The following PCDH15 variants were observed in gnomAD, a reference collection of about 807,000 sequenced individuals.
The protein encoded by PCDH15 is protocadherin related 15, also known as protocadherin-15.
In PCDH15, 129 loss-of-function variants were observed where a neutral mutation model predicts 178.5. The observed-to-expected ratio is 0.72, with a 90% CI of 0.63 to 0.84. The LOEUF (loss-of-function observed/expected upper bound fraction) is 0.84. PCDH15 is among the 40% of genes least tolerant of loss of function. PCDH15 has a pLI of 0.00. For missense variants in PCDH15, 2,230 were observed against 2,099.9 expected (o/e 1.06, Z -1.21); for synonymous variants, 800 against 732.0 (o/e 1.09, Z -1.50).
At chr10:54,765,188 A>G (rs1200893957) in intron 1 of PCDH15, among the ~76,000 whole-genome samples, 1 of 152,146 alleles carries the variant, frequency 6.6e-6, no homozygotes, top group Non-Finnish European at 1.5e-5. Context: ...GTGCATAAAT[A>G]TTTTTATGTT....
intron 25 of PCDH15, among the ~76,000 whole-genome samples, chr10:53,936,297 T>C (rs868788795): frequency 6.6e-6 from 1 of 152,204 alleles, no homozygotes; most frequent in Non-Finnish European, 1.5e-5. Flanking sequence ...ATATGAACTA[T>C]GTTTAATACC....
At chr10:53,807,312 C>T (rs1841252838) in intron 37 of PCDH15, among the ~76,000 whole-genome samples, 182 bp from the exon 38 acceptor site, 1 of 152,068 alleles carries the variant, frequency 6.6e-6, no homozygotes, top group Non-Finnish European at 1.5e-5. Flanking sequence ...CCTTTATTGG[C>T]TTTAGATCTT....
intron 2 of PCDH15, among the ~76,000 whole-genome samples, chr10:55,002,363 T>A (rs575121909): frequency 2.6e-4 from 39 of 152,372 alleles, no homozygotes; most frequent in Admixed American, 2.0e-3. Context: ...CATTTACCAT[T>A]TTTTAATGAT....
At chr10:53,866,091 T>A (rs958827823) in intron 27 of PCDH15, among the ~76,000 whole-genome samples, 1 of 152,154 alleles carries the variant, frequency 6.6e-6, no homozygotes, top group Non-Finnish European at 1.5e-5. Context: ...TTATTGACTA[T>A]AGCCAAATAT....
intron 2 of PCDH15, among the ~76,000 whole-genome samples, chr10:54,943,112 C>A (rs891872616): frequency 6.6e-6 from 1 of 151,914 alleles, no homozygotes; most frequent in Non-Finnish European, 1.5e-5. Flanking sequence ...TTTATTCTTA[C>A]AATTCTGTAT....
At chr10:53,837,913 A>G (rs2077400296) in intron 29 of PCDH15, among the ~76,000 whole-genome samples, 1 of 151,836 alleles carries the variant, frequency 6.6e-6, no homozygotes, top group African/African-American at 2.4e-5. Context: ...CAAAATTTTC[A>G]TATTTCATGG....
chr10:55,461,863 T>C (rs1419039556), intron 2 of PCDH15, among the ~76,000 whole-genome samples: 1 of 152,122 alleles, frequency 6.6e-6, no homozygotes, highest in Admixed American at 6.6e-5. Context: ...CAAAATTATA[T>C]TGTGATTATC....
intron 3 of PCDH15, among the ~76,000 whole-genome samples, chr10:54,855,380 C>T (rs1361529941): frequency 2.6e-5 from 4 of 152,180 alleles, no homozygotes; most frequent in Admixed American, 2.0e-4. Flanking sequence ...TGGGCAGCTG[C>T]AGAGGCACCT....
At chr10:54,810,295 C>T (rs1354492336) in intron 3 of PCDH15, among the ~76,000 whole-genome samples, 1 of 152,020 alleles carries the variant, frequency 6.6e-6, no homozygotes, top group Admixed American at 6.6e-5. Context: ...TTATTTTTCA[C>T]CTCATATACC....
At chr10:55,274,482 T>C (rs1488052832) in intron 1 of PCDH15, among the ~76,000 whole-genome samples, 1 of 152,030 alleles carries the variant, frequency 6.6e-6, no homozygotes, top group East Asian at 1.9e-4. Context: ...AAGCATAGGG[T>C]GTCCCATTCT....
chr10:53,991,590 C>G (rs1445074201), intron 21 of PCDH15, among the ~76,000 whole-genome samples: 2 of 151,886 alleles, frequency 1.3e-5, no homozygotes. Flanking sequence ...TTGTGTCTAG[C>G]TAAAGGACTG....
intron 2 of PCDH15, among the ~76,000 whole-genome samples, chr10:55,476,899 G>T (rs536710726): frequency 6.6e-6 from 1 of 151,520 alleles, no homozygotes; most frequent in African/African-American, 2.4e-5. Flanking sequence ...CTCTCCCCTC[G>T]TGCCTTTACA....
chr10:54,499,853 A>G (rs554447705), intron 3 of PCDH15, among the ~76,000 whole-genome samples: 1 of 152,306 alleles, frequency 6.6e-6, no homozygotes, highest in African/African-American at 2.4e-5. Context: ...TGAGATGTGA[A>G]AATTCACACA....
At chr10:54,825,693 T>C (rs1289818865) in intron 3 of PCDH15, among the ~76,000 whole-genome samples, 1 of 152,110 alleles carries the variant, frequency 6.6e-6, no homozygotes, top group Admixed American at 6.6e-5. Context: ...TGTCTGTTCA[T>C]GTCCTTCGCC....
chr10:55,150,102 A>G (rs1192852775), intron 2 of PCDH15, among the ~76,000 whole-genome samples: 16 of 151,466 alleles, frequency 1.1e-4, no homozygotes, highest in Non-Finnish European at 2.1e-4. Context: ...AAGATAGAAG[A>G]CGAGAGGAGA....
chr10:54,668,714 T>C (rs111525371), intron 1 of PCDH15, among the ~76,000 whole-genome samples: 5 of 152,298 alleles, frequency 3.3e-5, no homozygotes, highest in African/African-American at 9.6e-5. Context: ...ATTTTGACAA[T>C]GTTAACTATT....
chr10:55,394,143 A>G (rs1837866758), intron 2 of PCDH15, among the ~76,000 whole-genome samples: 1 of 151,996 alleles, frequency 6.6e-6, no homozygotes, highest in African/African-American at 2.4e-5. Context: ...CATATCACCA[A>G]CAAAGCCCTC....
At chr10:54,951,162 G>A (rs1290640338) in intron 2 of PCDH15, among the ~76,000 whole-genome samples, 2 of 151,806 alleles carry the variant, frequency 1.3e-5, no homozygotes, top group African/African-American at 4.8e-5. Flanking sequence ...GTGTCCACCA[G>A]TACAATATCA....
chr10:53,815,622 A>C (rs2076032655), intron 35 of PCDH15, among the ~76,000 whole-genome samples: 1 of 152,138 alleles, frequency 6.6e-6, no homozygotes, highest in African/African-American at 2.4e-5. Flanking sequence ...AAAGGAATAA[A>C]ATTTTTGTAA....
Sources: allele counts gnomAD v4.1 joint callset (sites outside exome capture counted in the v4.1 genomes callset), GRCh38; gene constraint gnomAD v4.1.1; transcripts MANE v1.5; gene names NCBI Gene and HGNC (gene_info 2026-07-23, HGNC 2026-07-21).